Variants in NCOA2 observed in about 807,000 individuals in gnomAD.
NCOA2 encodes nuclear receptor coactivator 2.
NCOA2 carries 21 observed loss-of-function variants against 145.1 expected under a neutral mutation model. That is an observed-to-expected ratio of 0.14 (90% CI 0.10 to 0.21). The LOEUF (loss-of-function observed/expected upper bound fraction) is 0.21. Among genes scored for constraint, NCOA2 ranks in the 10% least tolerant of loss-of-function variants. The pLI, the probability that NCOA2 is intolerant of heterozygous loss-of-function variation, is 1.00. For missense variants in NCOA2, 1,472 were observed against 1,837.6 expected (o/e 0.80, Z 3.64); for synonymous variants, 619 against 637.5 (o/e 0.97, Z 0.44).
rs185674684 is a variant in NCOA2 at position 70,258,455 on chromosome 8, T to C, written c.-20+38289A>G. On this transcript the variant is annotated intron_variant, in intron 2 of 22. Coordinates refer to ENST00000452400, the MANE Select transcript of NCOA2 (RefSeq NM_006540.4). ...CTCACCTTTCTGAGGAAGTTTTTCT[T>C]TATCTGCTATTTTTTTTTCCCCAGG... 1.3e-3 allele frequency among the ~76,000 whole-genome samples: 194 copies of C among 152,326 alleles called. 1 individual carries two copies. Among genetic ancestry groups the C allele is most frequent in the Non-Finnish European group, 4.0e-4 (27 of 68,028 alleles).
intron 4 of NCOA2, among the ~76,000 whole-genome samples, chr8:70,176,848 T>C (rs1009421073): frequency 1.3e-5 from 2 of 152,214 alleles, no homozygotes; most frequent in East Asian, 1.9e-4. Flanking sequence ...TGGGGTCTTC[T>C]TGGATGTGGA....
chr8:70,412,305 G>T, the NCOA2 span, among the ~76,000 whole-genome samples: 4 of 151,158 alleles, frequency 2.6e-5, no homozygotes, highest in African/African-American at 9.7e-5. Context: ...GAAAATAAAA[G>T]ATTACTTTAC....
intron 9 of NCOA2, among the ~76,000 whole-genome samples, chr8:70,161,794 T>G (rs777386163): frequency 6.6e-6 from 1 of 152,102 alleles, no homozygotes; most frequent in African/African-American, 2.4e-5. Context: ...CAGCTGACAG[T>G]GCATGTGGAG....
At chr8:70,377,934 C>T (rs1002708182) in intron 1 of NCOA2, among the ~76,000 whole-genome samples, 2 of 149,578 alleles carry the variant, frequency 1.3e-5, no homozygotes, top group Non-Finnish European at 3.0e-5. Flanking sequence ...ACAATGATAA[C>T]TCTGACTCTG....
Position 70,128,765 on chromosome 8 carries a change from G to A in NCOA2, c.3540C>T (p.Gly1180=). The A allele has an allele frequency of 6.2e-7, 1 of 1,614,026 alleles. No homozygotes were observed. The highest frequency in any genetic ancestry group is 8.5e-7 in the Non-Finnish European group (1 of 1,179,900). The change falls in exon 17 of 23, where the codon GGC becomes GGT. Residue 1180 remains glycine, a synonymous_variant. Transcript: ENST00000452400. ...MQPRPGLRPT[G]LVQNQPNQLR... ...GTTGATTTGGCTGGTTCTGCACTAG[G>A]CCCGTGGGCCTGAGGCCCGGTCTGG...
At chr8:70,374,077 T>C (rs771764380) in intron 1 of NCOA2, among the ~76,000 whole-genome samples, 2 of 152,162 alleles carry the variant, frequency 1.3e-5, no homozygotes, top group Non-Finnish European at 2.9e-5. Flanking sequence ...AAAAGTAGTA[T>C]GGAAAACAAC....
chr8:70,307,220 C>CCA (rs71558595), intron 1 of NCOA2, among the ~76,000 whole-genome samples: 1 of 71,642 alleles, frequency 1.4e-5, no homozygotes, highest in African/African-American at 4.4e-5. Flanking sequence ...CCTACATAAG[C>CCA]AAAAAAAAAA....
intron 22 of NCOA2, among the ~76,000 whole-genome samples, chr8:70,116,586 A>G (rs551079143): frequency 6.6e-6 from 1 of 152,328 alleles, no homozygotes; most frequent in South Asian, 2.1e-4. Flanking sequence ...CTTGATTCAT[A>G]ACAGCAGCAG....
intron 1 of NCOA2, among the ~76,000 whole-genome samples, chr8:70,322,928 G>A (rs988896806): frequency 2.0e-5 from 3 of 152,052 alleles, no homozygotes; most frequent in African/African-American, 4.8e-5. Context: ...TGTATTTCTG[G>A]GTTCTACAAA....
At chr8:70,242,357 T>C (rs559894791) in intron 2 of NCOA2, among the ~76,000 whole-genome samples, 1 of 152,266 alleles carries the variant, frequency 6.6e-6, no homozygotes, top group African/African-American at 2.4e-5. Flanking sequence ...ATCTTTAACA[T>C]TAAAATAATG....
chr8:70,156,941 G>A lies in NCOA2; in HGVS notation c.1424C>T (p.Pro475Leu). 1 of 1,614,022 alleles carries A rather than the reference G, an allele frequency of 6.2e-7. No individual in the cohort carries two copies. Among genetic ancestry groups the A allele is most frequent in the South Asian group, 1.1e-5 (1 of 91,082 alleles). The part of the protein sequence containing the change: ...LKMNSPSQSS[P>L]GMNPGQPTSM... ...GGTGGGCTGTCCTGGATTCATGCCA[G>A]GGCTGCTTTGTGAGGGGCTGTTCAT... The change falls in exon 11 of 23, where the codon CCT becomes CTT. Residue 475 changes from proline (P) to leucine (L), a missense_variant. This residue lies in a region of NCOA2 where 953 missense variants were observed against 1,062.1 expected (regional missense o/e 0.90). Transcript: ENST00000452400.
Position 70,210,704 on chromosome 8 carries a change from G to A in NCOA2, c.259+3199C>T, listed in dbSNP as rs114317189. Among the ~76,000 whole-genome samples, 1,429 of 152,194 alleles carry A rather than the reference G, an allele frequency of 9.4e-3. 23 individuals carry two copies. Among genetic ancestry groups the A allele is most frequent in the African/African-American group, 0.032 (1,332 of 41,504 alleles). On this transcript the variant is annotated intron_variant, in intron 4 of 22. Coordinates refer to ENST00000452400, the MANE Select transcript of NCOA2 (RefSeq NM_006540.4). Reference sequence around the variant, plus strand: ...GTAACTGACAGAGCACAGACTTGAGGGAAAGAGCCCTCCATGCCTGGCTGA... The same window carrying A: ...GTAACTGACAGAGCACAGACTTGAGAGAAAGAGCCCTCCATGCCTGGCTGA...
At chr8:70,192,037 G>A (rs778524277) in intron 4 of NCOA2, among the ~76,000 whole-genome samples, 3 of 151,958 alleles carry the variant, frequency 2.0e-5, no homozygotes, top group East Asian at 1.9e-4. Flanking sequence ...GTGAGAATCC[G>A]TCTCAAAAAA....
chr8:70,427,823 G>A, the NCOA2 span, among the ~76,000 whole-genome samples: 1 of 152,200 alleles, frequency 6.6e-6, no homozygotes, highest in East Asian at 1.9e-4. Flanking sequence ...ATGATTGCAA[G>A]CCAGTGGTTT....
At chr8:70,392,126 G>C (rs1251977939) in intron 1 of NCOA2, among the ~76,000 whole-genome samples, 1 of 152,134 alleles carries the variant, frequency 6.6e-6, no homozygotes, top group Admixed American at 6.5e-5. Context: ...AGAAAGTTGG[G>C]ACCAAAGAAA....
intron 4 of NCOA2, among the ~76,000 whole-genome samples, chr8:70,210,846 T>C (rs1037214708): frequency 1.3e-5 from 2 of 152,180 alleles, no homozygotes; most frequent in Admixed American, 6.5e-5. Flanking sequence ...CTAGGATAAA[T>C]AGGCAGGTTT....
chr8:70,453,653 C>T, the NCOA2 span, among the ~76,000 whole-genome samples: 2 of 152,190 alleles, frequency 1.3e-5, no homozygotes, highest in South Asian at 2.1e-4. Flanking sequence ...GAGGCCCTCT[C>T]GAAGGGCTAT....
intron 2 of NCOA2, among the ~76,000 whole-genome samples, chr8:70,283,891 A>C (rs965321380): frequency 6.6e-6 from 1 of 152,196 alleles, no homozygotes; most frequent in East Asian, 1.9e-4. Flanking sequence ...GGAGGATTTC[A>C]GATATGGGAT....
chr8:70,171,305 A>G (rs1197404115), intron 5 of NCOA2, among the ~76,000 whole-genome samples: 1 of 152,214 alleles, frequency 6.6e-6, no homozygotes, highest in Non-Finnish European at 1.5e-5. Flanking sequence ...CAGAGGAGGA[A>G]ACTGAGGCTC....
Sources: allele counts gnomAD v4.1 joint callset (sites outside exome capture counted in the v4.1 genomes callset), GRCh38; gene constraint gnomAD v4.1.1; regional missense constraint gnomAD v4.1.1; transcripts MANE v1.5; gene names NCBI Gene and HGNC (gene_info 2026-07-23, HGNC 2026-07-21).